Variants in FHIT observed in about 807,000 individuals in gnomAD.
FHIT encodes bis(5'-adenosyl)-triphosphatase.
A neutral mutation model predicts 17.9 loss-of-function variants in FHIT; 19 were observed. The observed-to-expected ratio is 1.06, with a 90% CI of 0.74 to 1.56. FHIT has a LOEUF of 1.56. Ranked by LOEUF, FHIT falls within the 40% of genes most tolerant of loss-of-function variation. FHIT has a pLI of 0.00. For missense variants in FHIT, 248 were observed against 189.2 expected (o/e 1.31, Z -1.82); for synonymous variants, 81 against 69.7 (o/e 1.16, Z -0.81).
intron 8 of FHIT, among the ~76,000 whole-genome samples, chr3:59,838,413 C>G (rs1701414171): frequency 6.6e-6 from 1 of 152,160 alleles, no homozygotes. Flanking sequence ...ATTCCCTCAC[C>G]CCCAGCTACT....
chr3:60,264,709 CTTTCT>C (rs1214541495), intron 5 of FHIT, among the ~76,000 whole-genome samples: 1 of 151,910 alleles, frequency 6.6e-6, no homozygotes, highest in African/African-American at 2.4e-5. Context: ...TCCTTTTCTC[CTTTCT>C]TTTATTTCAG....
At chr3:60,252,651 T>A (rs1029330744) in intron 5 of FHIT, among the ~76,000 whole-genome samples, 1 of 152,016 alleles carries the variant, frequency 6.6e-6, no homozygotes, top group Non-Finnish European at 1.5e-5. Context: ...CAGCTAGTAC[T>A]GTACATGGGA....
chr3:60,038,308 T>C (rs1380589546), intron 5 of FHIT, among the ~76,000 whole-genome samples: 3 of 152,174 alleles, frequency 2.0e-5, no homozygotes, highest in African/African-American at 7.2e-5. Context: ...AATGTGACTA[T>C]TTACGAATGT....
At chr3:60,745,257 C>T (rs2042333304) in intron 4 of FHIT, among the ~76,000 whole-genome samples, 1 of 152,126 alleles carries the variant, frequency 6.6e-6, no homozygotes, top group Non-Finnish European at 1.5e-5. Flanking sequence ...TCAGAAGAAA[C>T]AGTACTTGAG....
At chr3:60,277,808 T>A (rs73835239) in intron 5 of FHIT, among the ~76,000 whole-genome samples, 4,651 of 152,228 alleles carry the variant, frequency 0.031, 210 homozygotes, top group African/African-American at 0.1. Flanking sequence ...ACTCCTTGTG[T>A]GTGTGTGTCC....
intron 7 of FHIT, among the ~76,000 whole-genome samples, chr3:59,959,246 T>A (rs746968207): frequency 6.6e-6 from 1 of 152,216 alleles, no homozygotes; most frequent in Admixed American, 6.5e-5. Context: ...AGTTCTTTGA[T>A]GCTTCTCAAT....
intron 5 of FHIT, among the ~76,000 whole-genome samples, chr3:60,448,993 C>G (rs2031534939): frequency 6.6e-6 from 1 of 152,150 alleles, no homozygotes; most frequent in African/African-American, 2.4e-5. Flanking sequence ...AATGAAGCAT[C>G]TGGTCTGCTC....
At chr3:61,235,465 A>G (rs1263763413) in intron 1 of FHIT, among the ~76,000 whole-genome samples, 3 of 152,148 alleles carry the variant, frequency 2.0e-5, no homozygotes, top group Non-Finnish European at 2.9e-5. Context: ...CTTGCTTTCA[A>G]TTTTTATGTG....
At chr3:60,648,572 C>T (rs1553687405) in intron 4 of FHIT, among the ~76,000 whole-genome samples, 7 of 152,140 alleles carry the variant, frequency 4.6e-5, no homozygotes, top group South Asian at 2.1e-4. Flanking sequence ...CACCACATGC[C>T]AGGTAAACAG....
At chr3:60,509,285 C>A (rs2034854865) in intron 5 of FHIT, among the ~76,000 whole-genome samples, 1 of 152,120 alleles carries the variant, frequency 6.6e-6, no homozygotes, top group African/African-American at 2.4e-5. Context: ...CCAGAGCTGC[C>A]CCAACTTCTA....
intron 5 of FHIT, among the ~76,000 whole-genome samples, chr3:60,091,994 G>A (rs1429095488): frequency 6.6e-6 from 1 of 152,140 alleles, no homozygotes; most frequent in African/African-American, 2.4e-5. Context: ...TGCTAATTAA[G>A]TCAGGAGTCT....
intron 3 of FHIT, among the ~76,000 whole-genome samples, chr3:61,014,807 A>AAAAAAAATTAT (rs1553798839): frequency 2.0e-5 from 1 of 49,102 alleles, no homozygotes; most frequent in African/African-American, 5.4e-5. Context: ...AAAAAAAAAA[A>AAAAAAAATTAT]ATATATATAT....
chr3:60,752,323 A>C (rs2042483343), intron 4 of FHIT, among the ~76,000 whole-genome samples: 1 of 152,182 alleles, frequency 6.6e-6, no homozygotes, highest in Admixed American at 6.5e-5. Flanking sequence ...TTTTGCACTT[A>C]TTTTTTATTT....
At chr3:60,572,221 C>T (rs2037408010) in intron 4 of FHIT, among the ~76,000 whole-genome samples, 1 of 152,066 alleles carries the variant, frequency 6.6e-6, no homozygotes, top group Non-Finnish European at 1.5e-5. Flanking sequence ...TGCTTTGAAA[C>T]TGATATTCTT....
intron 3 of FHIT, among the ~76,000 whole-genome samples, chr3:60,832,061 G>A (rs1011434507): frequency 1.3e-5 from 2 of 151,928 alleles, no homozygotes; most frequent in African/African-American, 4.8e-5. Flanking sequence ...AGAGCCCTTA[G>A]CCCCAAGTAA....
chr3:60,125,852 A>G (rs1576157908), intron 5 of FHIT, among the ~76,000 whole-genome samples: 2 of 152,276 alleles, frequency 1.3e-5, no homozygotes, highest in Non-Finnish European at 2.9e-5. Context: ...TGAAGAAACA[A>G]TCTAATCCAA....
chr3:60,401,864 T>A (rs936559457), intron 5 of FHIT, among the ~76,000 whole-genome samples: 1 of 152,182 alleles, frequency 6.6e-6, no homozygotes, highest in Non-Finnish European at 1.5e-5. Context: ...GATTGGTCCT[T>A]ACAAGCCCTA....
chr3:60,007,828 C>A (rs1699983128), intron 7 of FHIT, among the ~76,000 whole-genome samples: 1 of 151,876 alleles, frequency 6.6e-6, no homozygotes, highest in Non-Finnish European at 1.5e-5. Context: ...GAGGGCAGAA[C>A]TCCTCTGGAA....
chr3:61,084,363 C>G (rs1205562544), intron 2 of FHIT, among the ~76,000 whole-genome samples: 1 of 152,148 alleles, frequency 6.6e-6, no homozygotes, highest in Non-Finnish European at 1.5e-5. Context: ...AGTATATGTC[C>G]TCCAACTTTG....
Sources: allele counts gnomAD v4.1 joint callset (sites outside exome capture counted in the v4.1 genomes callset), GRCh38; gene constraint gnomAD v4.1.1; transcripts MANE v1.5; gene names NCBI Gene and HGNC (gene_info 2026-07-23, HGNC 2026-07-21).